The following COMMD10 variants were observed in gnomAD, a reference collection of about 807,000 sequenced individuals.
The protein encoded by COMMD10 is COMM domain containing 10, also known as COMM domain-containing protein 10.
In COMMD10, 33 loss-of-function variants were observed where a neutral mutation model predicts 28.9. The ratio of observed to expected loss-of-function variants is 1.14; its 90% CI spans 0.87 to 1.53. The LOEUF is 1.53. Among genes scored for constraint, COMMD10 ranks in the 40% most tolerant of loss-of-function variants. COMMD10 has a pLI of 0.00. For missense variants in COMMD10, 310 were observed against 233.4 expected, an observed-to-expected ratio of 1.33 and a Z score of -2.14; for synonymous variants, 110 against 81.7, an observed-to-expected ratio of 1.35 and a Z score of -1.87.
chr5:116,193,404 A>T (rs1237777507), intron 5 of COMMD10, among the ~76,000 whole-genome samples: 1 of 152,174 alleles, frequency 6.6e-6, no homozygotes, highest in Non-Finnish European at 1.5e-5. Context: ...CCAACAAACT[A>T]TCTGCTGCCT....
At chr5:116,156,547 A>C (rs1412520661) in intron 5 of COMMD10, among the ~76,000 whole-genome samples, 1 of 152,136 alleles carries the variant, frequency 6.6e-6, no homozygotes, top group Non-Finnish European at 1.5e-5. Context: ...CCTTTAAGCA[A>C]CATTTTCGTT....
chr5:116,191,486 C>T (rs1748370881), intron 5 of COMMD10, among the ~76,000 whole-genome samples: 1 of 151,866 alleles, frequency 6.6e-6, no homozygotes, highest in Admixed American at 6.6e-5. Context: ...CTTTGGTTTG[C>T]ATAAGAGCTG....
At chr5:116,276,985 C>G (rs1561405308) in intron 5 of COMMD10, among the ~76,000 whole-genome samples, 1 of 151,710 alleles carries the variant, frequency 6.6e-6, no homozygotes, top group Non-Finnish European at 1.5e-5. Context: ...TATGAACATT[C>G]TAAAAACCAT....
chr5:116,212,733 G>A lies in COMMD10; in HGVS notation c.510+78555G>A, dbSNP rs151190659. The stretch of plus-strand genomic sequence containing the variant: ...AAGAAAACTAGCTGGATTTTTAATG[G>A]TTTGCTTCAACTTAATAGTGGTATA... On this transcript the variant is annotated intron_variant, in intron 5 of 6. Coordinates refer to ENST00000274458, the MANE Select transcript of COMMD10 (RefSeq NM_016144.4). Among the ~76,000 whole-genome samples, 6 of 152,022 alleles carry A rather than the reference G, an allele frequency of 3.9e-5. 1 individual carries two copies. The highest frequency in any genetic ancestry group is 1.4e-4 in the African/African-American group (6 of 41,446).
chr5:116,125,776 T>C (rs940758842), intron 4 of COMMD10, among the ~76,000 whole-genome samples: 30 of 152,032 alleles, frequency 2.0e-4, no homozygotes, highest in African/African-American at 6.8e-4. Flanking sequence ...TCTAAACTTC[T>C]CGCTTCATTT....
At chr5:116,236,453 G>C (rs146165808) in intron 5 of COMMD10, among the ~76,000 whole-genome samples, 1 of 142,500 alleles carries the variant, frequency 7.0e-6, no homozygotes, top group Non-Finnish European at 1.5e-5. Flanking sequence ...GCGGTGTGCC[G>C]AGATCACACT....
chr5:116,271,281 T>A lies in COMMD10; in HGVS notation c.511-20236T>A, dbSNP rs1046903870. 2.3e-4 allele frequency among the ~76,000 whole-genome samples: 34 copies of A among 147,428 alleles called. 1 individual carries two copies. Among genetic ancestry groups the A allele is most frequent in the African/African-American group, 8.4e-4 (34 of 40,468 alleles). On this transcript the variant is annotated intron_variant, in intron 5 of 6. Transcript: ENST00000274458. ...TCCTGTTTAAGCATTTTTATCTTTT[T>A]AAATTTTTATATATTTAATATATAA...
intron 5 of COMMD10, among the ~76,000 whole-genome samples, chr5:116,237,465 TGA>T (rs74491156): frequency 0.11 from 16,520 of 152,032 alleles, 1,314 homozygotes; most frequent in African/African-American, 0.22. Flanking sequence ...TTCATAAACT[TGA>T]AAAAAAATAC....
chr5:116,119,996 A>T (rs191882863), intron 4 of COMMD10, among the ~76,000 whole-genome samples: 2 of 152,210 alleles, frequency 1.3e-5, no homozygotes, highest in East Asian at 3.9e-4. Context: ...GTATGGTTCC[A>T]TGAATTTTGA....
intron 1 of COMMD10, among the ~76,000 whole-genome samples, chr5:116,086,469 T>A (rs1306020203): frequency 1.3e-5 from 2 of 151,208 alleles, no homozygotes; most frequent in African/African-American, 4.9e-5. Context: ...CTCTCTTTTT[T>A]TTCCCTGAGA....
rs1751365979 is a variant in COMMD10, at chr5:116,291,682, C to T, written c.570+106C>T. Reference sequence around the variant, plus strand: ...AAATGTCATATTATGGAACTAAGTTCTTTAAACTTCCCTTATAAAAGACCT... The same window carrying T: ...AAATGTCATATTATGGAACTAAGTTTTTTAAACTTCCCTTATAAAAGACCT... On this transcript the variant is annotated intron_variant, in intron 6 of 6. Coordinates refer to ENST00000274458, the MANE Select transcript of COMMD10 (RefSeq NM_016144.4). 7.7e-5 allele frequency: 47 copies of T among 607,366 alleles called. No individual in the cohort carries two copies. The South Asian group carries it at 1.1e-3, about 14-fold the overall frequency. 37.6% of individuals were successfully genotyped at this position (607,366 alleles called of 1,614,324 possible). A position where few individuals can be genotyped will look rare whatever the true frequency, so the allele number is the denominator to read the frequency against.
intron 5 of COMMD10, among the ~76,000 whole-genome samples, chr5:116,155,979 A>T (rs933133933): frequency 1.2e-4 from 19 of 152,106 alleles, no homozygotes; most frequent in African/African-American, 1.7e-4. Context: ...TATTATATTT[A>T]AAAAAGTCTA....
intron 5 of COMMD10, among the ~76,000 whole-genome samples, chr5:116,159,985 A>G (rs1018522983): frequency 2.0e-5 from 3 of 152,188 alleles, no homozygotes; most frequent in African/African-American, 4.8e-5. Context: ...TCAGGATGGA[A>G]TAGTTATGGA....
chr5:116,162,992 C>T (rs1211961885), intron 5 of COMMD10, among the ~76,000 whole-genome samples: 2 of 152,094 alleles, frequency 1.3e-5, no homozygotes, highest in African/African-American at 2.4e-5. Flanking sequence ...CCTGCTTATA[C>T]TCCTCTCTCA....
chr5:116,196,946 G>T (rs1336002684), intron 5 of COMMD10, among the ~76,000 whole-genome samples: 1 of 152,064 alleles, frequency 6.6e-6, no homozygotes, highest in African/African-American at 2.4e-5. Context: ...CATTTCTGTC[G>T]ATGTATTCCT....
chr5:116,222,849 G>A (rs570341872), intron 5 of COMMD10, among the ~76,000 whole-genome samples: 3 of 151,960 alleles, frequency 2.0e-5, no homozygotes, highest in South Asian at 2.1e-4. Flanking sequence ...ATGCCACCAC[G>A]CCTGGCTAAT....
At position 116,288,449 on chromosome 5, in the gene COMMD10, TC is replaced by T. The variant is rs1328448944; in HGVS notation, c.511-3067del. On this transcript the variant is annotated intron_variant, in intron 5 of 6. Coordinates refer to ENST00000274458, the MANE Select transcript of COMMD10 (RefSeq NM_016144.4). ...ATCTTTGGATTTTCCTCGTTGGAGT[TC>T]TTTGAATTTCTTGATCTGTATGTAC... Among the ~76,000 whole-genome samples, 8 of 151,892 alleles carry T rather than the reference TC, an allele frequency of 5.3e-5. No individual in the cohort carries two copies. In the South Asian group the frequency reaches 1.0e-3, roughly 20 times the overall value.
chr5:116,092,181 A>G (rs965759838), intron 3 of COMMD10, among the ~76,000 whole-genome samples: 2 of 152,206 alleles, frequency 1.3e-5, no homozygotes, highest in African/African-American at 2.4e-5. Context: ...TAGTTGGGAA[A>G]CAAAACTATT....
At chr5:116,268,486 C>T (rs1750663256) in intron 5 of COMMD10, among the ~76,000 whole-genome samples, 1 of 151,906 alleles carries the variant, frequency 6.6e-6, no homozygotes. Flanking sequence ...AATAGGAACA[C>T]TTTTACACTA....
Sources: gnomAD v4.1 joint callset for allele counts (sites outside exome capture counted in the v4.1 genomes callset) on GRCh38, gnomAD v4.1.1 for gene constraint, MANE v1.5 for transcripts, NCBI Gene and HGNC (gene_info 2026-07-23, HGNC 2026-07-21) for gene names.